KLHL33: variants seen among roughly 807,000 people sequenced by gnomAD.
KLHL33 encodes the protein kelch like family member 33.
KLHL33 carries 46 observed loss-of-function variants against 60.8 expected under a neutral mutation model. The ratio of observed to expected loss-of-function variants is 0.76; its 90% CI spans 0.60 to 0.97. The LOEUF (loss-of-function observed/expected upper bound fraction) is 0.97. Ranked by LOEUF, KLHL33 falls within the 50% of genes least tolerant of loss-of-function variation. The pLI, the probability that KLHL33 is intolerant of heterozygous loss-of-function variation, is 0.00. For missense variants in KLHL33, 1,055 were observed against 1,000.0 expected (o/e 1.05, Z -0.74); for synonymous variants, 434 against 432.2 (o/e 1.00, Z -0.05).
chr14:20,435,183 T>A lies in KLHL33; in HGVS notation c.629A>T (p.Asp210Val). 1.6e-6 allele frequency: 2 copies of A among 1,234,408 alleles called. No individual in the cohort carries two copies. The highest frequency in any genetic ancestry group is 1.5e-5 in the African/African-American group (1 of 64,622). The allele number at this position is 1,234,408 out of a possible 1,614,324, so 76.5% of individuals were successfully genotyped here. Residue 210 changes from aspartate to valine, a missense_variant, in exon 2 of 5, where the codon GAT (aspartate) becomes GTT (valine). By Grantham distance (152) the Asp-to-Val change is radical. Transcript: ENST00000636854. ...CTCTGCCTGGCTGGGCTTCTTTACA[T>A]CTTCCCTGGCATTTCCAGCCCTCTC... is the stretch of plus-strand genomic sequence containing the variant. Reference protein sequence around the residue: ...TCERAGNAREDVKKPSQAEEL... With the variant: ...TCERAGNAREVVKKPSQAEEL...
intron 2 of KLHL33, among the ~76,000 whole-genome samples, chr14:20,432,926 AAAAGAAAGAAAG>A (rs59220485): frequency 1.7e-3 from 175 of 104,746 alleles, no homozygotes; most frequent in East Asian, 3.9e-3. Flanking sequence ...CATCTCAAAA[AAAAGAAAGAAAG>A]AAAGAAAGAA....
At position 20,429,796 on chromosome 14, in the gene KLHL33, T is replaced by G; in HGVS notation, c.1672A>C (p.Arg558=). Residue 558 remains arginine, a splice_region_variant and synonymous_variant, in exon 3 of 5, where the codon AGG becomes CGG. Coordinates refer to ENST00000636854, the MANE Select transcript of KLHL33 (RefSeq NM_001365790.2). ...CTGCCCACTCCTAGAAGCTTATACC[T>G]GAGAGTTGAAGCCAGGGTGTTGGAG... ...SHSNTLASTL[R]WEPSQEDWEE... is the part of the protein sequence containing the mutation. The G allele has an allele frequency of 2.9e-5, 44 of 1,529,560 alleles. No homozygotes were observed. Among genetic ancestry groups the G allele is most frequent in the Non-Finnish European group, 3.8e-5 (43 of 1,134,148 alleles). The allele number at this position is 1,529,560 out of a possible 1,614,324, so 94.7% of individuals were successfully genotyped here.
chr14:20,434,542 GA>G (rs5807035), intron 2 of KLHL33, among the ~76,000 whole-genome samples: 67,698 of 141,760 alleles, frequency 0.48, 16,062 homozygotes, highest in African/African-American at 0.59. Context: ...TGCTGTCTCA[GA>G]AAAAAAAAAA....
rs1880421896 is a variant in KLHL33, at chr14:20,429,587, C to T, written c.1756G>A (p.Gly586Arg). 1 of 1,552,088 alleles carries T rather than the reference C, an allele frequency of 6.4e-7. No homozygotes were observed. Among genetic ancestry groups the T allele is most frequent in the Non-Finnish European group, 8.7e-7 (1 of 1,147,088 alleles). ...CTTCCACCCAGGGCATAAAGTTTTC[C>T]ATCCAGTGCCACCAAGGAGAAAAGG... The part of the protein sequence containing the change: ...RSLFSLVALD[G>R]KLYALGGRHN... The change falls in exon 4 of 5, where the codon GGA (glycine) becomes AGA (arginine). Residue 586 changes from glycine to arginine, a missense_variant. Transcript: ENST00000636854.
In KLHL33 at chr14:20,429,984, GC is replaced by G; in HGVS notation, c.1483del (p.Ala495GlnfsTer143). ...GCGGAAGGCCCGGGCCCACCACACTGCTCGGGATGGTTGTCTTAGGGCCATG... is the reference window on the plus strand; with the variant it reads ...GCGGAAGGCCCGGGCCCACCACACTGTCGGGATGGTTGTCTTAGGGCCATG... ...PDMALRQPSR[A>X]VWWARAFRCG... On this transcript the variant is annotated frameshift_variant, in exon 3 of 5. Transcript: ENST00000636854. LOFTEE classifies it high-confidence loss of function. 1 of 1,551,702 alleles carries G rather than the reference GC, an allele frequency of 6.4e-7. No homozygotes were observed. Among genetic ancestry groups the G allele is most frequent in the East Asian group, 2.4e-5 (1 of 40,922 alleles).
chr14:20,429,394 G>A lies in KLHL33; in HGVS notation c.1849C>T (p.Pro617Ser), dbSNP rs1324637145. The stretch of plus-strand genomic sequence containing the variant: ...GCAAAACATGGTGCTGGAAGTGCAG[G>A]TGCTGGCCTAAGGGAGAACAGGACA... ...NPELNVWRPA[P>S]ALPAPCFAHA... The change falls in exon 5 of 5, where the codon CCT becomes TCT. Residue 617 changes from proline (P) to serine (S), a missense_variant. By Grantham distance (74) the Pro-to-Ser change is moderately conservative. Transcript: ENST00000636854. The A allele has an allele frequency of 1.9e-6, 3 of 1,551,588 alleles. No homozygotes were observed. Among genetic ancestry groups the A allele is most frequent in the African/African-American group, 1.4e-5 (1 of 73,022 alleles).
At position 20,435,500 on chromosome 14, in the gene KLHL33, C is replaced by A. The variant is rs1181829283; in HGVS notation, c.312G>T (p.Gln104His). The A allele has an allele frequency of 8.1e-7, 1 of 1,234,598 alleles. No homozygotes were observed. The highest frequency in any genetic ancestry group is 4.2e-5 in the Admixed American group (1 of 23,716). 76.5% of individuals were successfully genotyped at this position (1,234,598 alleles called of 1,614,324 possible). A position where few individuals can be genotyped will look rare whatever the true frequency, so the allele number is the denominator to read the frequency against. Residue 104 changes from glutamine (Q) to histidine (H), a missense_variant, in exon 2 of 5, where the codon CAG becomes CAT. Transcript: ENST00000636854. ...EHPSQFFAEA[Q>H]RLREQRLLLD... ...GCAACAGTCTCTGCTCCCGCAGCCG[C>A]TGGGCCTCGGCGAAAAACTGGCTCG...
At chr14:20,434,974 T>A in intron 2 of KLHL33, 90 bp downstream of exon 2, 1 of 1,108,414 alleles carries the variant, frequency 9.0e-7, no homozygotes, top group Non-Finnish European at 1.1e-6. Context: ...ATCAAAACCA[T>A]CATGGTGGGG....
In KLHL33 at chr14:20,429,334, C is replaced by A. The variant is rs924978478; in HGVS notation, c.1909G>T (p.Val637Leu). 1 of 1,551,752 alleles carries A rather than the reference C, an allele frequency of 6.4e-7. No individual in the cohort carries two copies. Among genetic ancestry groups the A allele is most frequent in the Non-Finnish European group, 8.7e-7 (1 of 1,147,014 alleles). Residue 637 changes from valine (V) to leucine (L), a missense_variant, in exon 5 of 5, where the codon GTG (valine) becomes TTG (leucine). Coordinates refer to ENST00000636854, the MANE Select transcript of KLHL33 (RefSeq NM_001365790.2). ...AAAILEGQLYVSGGCGGTGQY... is the reference protein window; with the variant it reads ...AAAILEGQLYLSGGCGGTGQY... ...CCAGTCCCACCACAGCCACCGCTCA[C>A]GTACAACTGGCCCTCCAAAATCGCA...
Position 20,429,284 on chromosome 14 carries a change from G to T in KLHL33, c.1959C>A (p.His653Gln). 6.4e-7 allele frequency: 1 copy of T among 1,551,716 alleles called. No homozygotes were observed. Among genetic ancestry groups the T allele is most frequent in the Admixed American group, 2.0e-5 (1 of 51,010 alleles). ...GTGQYLASLM[H>Q]YDPKLEKPGT... ...CTGGCTTCTCAAGTTTGGGGTCATA[G>T]TGCATCAGTGAGGCCAGGTATTGGC... Residue 653 changes from histidine to glutamine, a missense_variant, in exon 5 of 5, where the codon CAC (histidine) becomes CAA (glutamine). By Grantham distance (24) the His-to-Gln change is conservative. Transcript: ENST00000636854.
rs893643499 is a variant in KLHL33 at position 20,429,967 on chromosome 14, C to T, written c.1501G>A (p.Ala501Thr). 4 of 1,551,612 alleles carry T rather than the reference C, an allele frequency of 2.6e-6. No individual in the cohort carries two copies. The highest frequency in any genetic ancestry group is 2.6e-6 in the Non-Finnish European group (3 of 1,147,010). Residue 501 changes from alanine to threonine, a missense_variant, in exon 3 of 5, where the codon GCC becomes ACC. Ala to Thr is a moderately conservative substitution (Grantham distance 58, BLOSUM62 0). Transcript: ENST00000636854. ...ACCAGTCCCACGCCACAGCGGAAGG[C>T]CCGGGCCCACCACACTGCTCGGGAT... ...QPSRAVWWAR[A>T]FRCGVGLVRT...
In KLHL33 at chr14:20,435,550, C is replaced by T; in HGVS notation, c.262G>A (p.Glu88Lys). ...GGATGCTCCTCGCTGCGCAGCCACT[C>T]GGGCTCTGCCGCATCTTCATCTTCT... is the stretch of plus-strand genomic sequence containing the variant. ...EEEDEDAAEP[E>K]WLRSEEHPSQ... Residue 88 changes from glutamate (E) to lysine (K), a missense_variant, in exon 2 of 5, where the codon GAG (glutamate) becomes AAG (lysine). Transcript: ENST00000636854. 8.1e-7 allele frequency: 1 copy of T among 1,234,788 alleles called. No homozygotes were observed. Among genetic ancestry groups the T allele is most frequent in the Non-Finnish European group, 1.0e-6 (1 of 988,486 alleles). The allele number at this position is 1,234,788 out of a possible 1,614,324, so 76.5% of individuals were successfully genotyped here. A position where few individuals can be genotyped will look rare whatever the true frequency, so the allele number is the denominator to read the frequency against.
intron 2 of KLHL33, among the ~76,000 whole-genome samples, chr14:20,432,155 C>T (rs1018015711): frequency 1.9e-4 from 28 of 151,078 alleles, no homozygotes; most frequent in African/African-American, 6.6e-4. Flanking sequence ...TACTCTGTCA[C>T]CCTGCCTGGA....
At chr14:20,430,786 C>G (rs1367131419) in intron 2 of KLHL33, 67 bp from the exon 3 acceptor site, 2 of 1,183,334 alleles carry the variant, frequency 1.7e-6, no homozygotes, top group Admixed American at 6.0e-5. Flanking sequence ...ATTACCCCAA[C>G]TTGGTACTCT....
rs966619489 is a variant in KLHL33 at position 20,435,267 on chromosome 14, A to C, written c.545T>G (p.Leu182Arg). ...VLGPASQGDVLAAAEALGAPR... is the reference protein window; with the variant it reads ...VLGPASQGDVRAAAEALGAPR... Reference sequence around the variant, plus strand: ...CGCTCCCAGCGCCTCTGCTGCGGCCAGCACATCCCCCTGCGAGGCGGGGCC... The same window carrying C: ...CGCTCCCAGCGCCTCTGCTGCGGCCCGCACATCCCCCTGCGAGGCGGGGCC... Residue 182 changes from leucine (L) to arginine (R), a missense_variant, in exon 2 of 5, where the codon CTG becomes CGG. Physicochemically the swap from Leu to Arg is moderately radical, Grantham distance 102 (BLOSUM62 -2). Transcript: ENST00000636854. 5 of 1,234,302 alleles carry C rather than the reference A, an allele frequency of 4.1e-6. No homozygotes were observed. In the Admixed American group the frequency reaches 2.1e-4, roughly 52 times the overall value. 76.5% of individuals were successfully genotyped at this position (1,234,302 alleles called of 1,614,324 possible).
At chr14:20,430,798 AGTTTGGCC>A in intron 2 of KLHL33, 79 bp from the exon 3 acceptor site, 1 of 871,588 alleles carries the variant, frequency 1.1e-6, no homozygotes, top group Non-Finnish European at 1.6e-6. Context: ...TGGTACTCTA[AGTTTGGCC>A]AAACTCTAAG....
intron 2 of KLHL33, among the ~76,000 whole-genome samples, chr14:20,434,841 G>A (rs1462917184): frequency 1.3e-5 from 2 of 152,148 alleles, no homozygotes; most frequent in Admixed American, 6.5e-5. Context: ...GGAAAAGCCA[G>A]ACAGAGGGTC....
At position 20,430,210 on chromosome 14, in the gene KLHL33, TG is replaced by T; in HGVS notation, c.1257del (p.Lys420ArgfsTer29). 6.4e-7 allele frequency: 1 copy of T among 1,551,560 alleles called. No homozygotes were observed. Among genetic ancestry groups the T allele is most frequent in the Non-Finnish European group, 8.7e-7 (1 of 1,146,998 alleles). The part of the protein sequence containing the change: ...AANPETQESE[A>X]KALLRCVRFG... The stretch of plus-strand genomic sequence containing the variant: ...AAGCGGACACATCGCAGCAGGGCCT[TG>T]GCCTCTGACTCCTGGGTCTCGGGGT... On this transcript the variant is annotated frameshift_variant, in exon 3 of 5. Transcript: ENST00000636854. LOFTEE classifies it high-confidence loss of function.
intron 2 of KLHL33, 82 bp downstream of exon 2, chr14:20,434,982 G>A (rs1880638034): frequency 8.8e-7 from 1 of 1,133,954 alleles, no homozygotes; most frequent in Non-Finnish European, 1.1e-6. Flanking sequence ...CATCATGGTG[G>A]GGATAAAACC....
Sources: gnomAD v4.1 joint callset for allele counts (sites outside exome capture counted in the v4.1 genomes callset) on GRCh38, gnomAD v4.1.1 for gene constraint, MANE v1.5 for transcripts, NCBI Gene and HGNC (gene_info 2026-07-23, HGNC 2026-07-21) for gene names.